Variants in SPMIP7 observed in about 807,000 individuals in gnomAD.
The protein encoded by SPMIP7 is protein SPMIP7.
the SPMIP7 span, among the ~76,000 whole-genome samples, chr7:50,132,535 C>T: frequency 6.6e-6 from 1 of 152,008 alleles, no homozygotes; most frequent in Non-Finnish European, 1.5e-5. Context: ...AGTTTATTAC[C>T]TTCATGGAAA....
chr7:50,128,340 G>A, the SPMIP7 span, among the ~76,000 whole-genome samples: 1 of 151,892 alleles, frequency 6.6e-6, no homozygotes, highest in Non-Finnish European at 1.5e-5. Flanking sequence ...GATAAGGAGA[G>A]GCTGATTAAT....
the SPMIP7 span, among the ~76,000 whole-genome samples, chr7:50,133,543 A>T: frequency 1.3e-5 from 2 of 152,146 alleles, no homozygotes; most frequent in African/African-American, 2.4e-5. Flanking sequence ...TCTGTGTGAC[A>T]GACTGCAGGA....
chr7:50,158,082 T>C, the SPMIP7 span, among the ~76,000 whole-genome samples: 1 of 152,090 alleles, frequency 6.6e-6, no homozygotes. Flanking sequence ...CCCAGCAGCC[T>C]CTGGGGTAGG....
At chr7:50,110,405 T>C in the SPMIP7 span, among the ~76,000 whole-genome samples, 1 of 147,840 alleles carries the variant, frequency 6.8e-6, no homozygotes, top group South Asian at 2.1e-4. Flanking sequence ...ATATTTAACA[T>C]ATAATATATT....
chr7:50,124,158 G>C, the SPMIP7 span, among the ~76,000 whole-genome samples: 1 of 152,102 alleles, frequency 6.6e-6, no homozygotes, highest in South Asian at 2.1e-4. Flanking sequence ...TCATGTCTTA[G>C]TTACAAAACA....
chr7:50,111,905 A>G, the SPMIP7 span, among the ~76,000 whole-genome samples: 1 of 152,174 alleles, frequency 6.6e-6, no homozygotes, highest in South Asian at 2.1e-4. Context: ...ACAAAATACA[A>G]GAATCAAAAC....
chr7:50,103,880 T>A, the SPMIP7 span, among the ~76,000 whole-genome samples: 1 of 152,212 alleles, frequency 6.6e-6, no homozygotes, highest in Admixed American at 6.5e-5. Flanking sequence ...GCCCTGTTTT[T>A]CATCTTTATA....
At chr7:50,107,362 C>CAAAAAA in the SPMIP7 span, among the ~76,000 whole-genome samples, 50 of 16,538 alleles carry the variant, frequency 3.0e-3, 1 homozygote, top group South Asian at 5.6e-3. Flanking sequence ...GACTCTGTCT[C>CAAAAAA]AAAAAAAAAA....
chr7:50,150,465 G>A, the SPMIP7 span, among the ~76,000 whole-genome samples: 8 of 152,144 alleles, frequency 5.3e-5, no homozygotes, highest in Non-Finnish European at 1.0e-4. Flanking sequence ...AGGCCATGGC[G>A]TTGATACGAC....
chr7:50,096,924 A>G, the SPMIP7 span, among the ~76,000 whole-genome samples: 1 of 152,212 alleles, frequency 6.6e-6, no homozygotes, highest in Non-Finnish European at 1.5e-5. Flanking sequence ...CCACAGGGGA[A>G]TTTATGTATC....
At chr7:50,109,411 C>A in the SPMIP7 span, among the ~76,000 whole-genome samples, 1 of 152,118 alleles carries the variant, frequency 6.6e-6, no homozygotes, top group East Asian at 1.9e-4. Flanking sequence ...GAGTCTTGCT[C>A]TGTCACCCCA....
chr7:50,134,187 G>A, the SPMIP7 span: 2 of 1,550,732 alleles, frequency 1.3e-6, no homozygotes, highest in Admixed American at 2.0e-5. Context: ...AAAAACCGCT[G>A]ACCCCATCTC....
chr7:50,120,974 C>G, the SPMIP7 span, among the ~76,000 whole-genome samples: 1 of 152,110 alleles, frequency 6.6e-6, no homozygotes, highest in Non-Finnish European at 1.5e-5. Flanking sequence ...GCATAGTGTA[C>G]TTCACTTTCT....
At chr7:50,096,255 A>G in the SPMIP7 span, 1 of 1,551,734 alleles carries the variant, frequency 6.4e-7, no homozygotes, top group African/African-American at 1.4e-5. Flanking sequence ...GGCAGGTTTG[A>G]AAAGAAATGC....
the SPMIP7 span, chr7:50,120,244 G>C: frequency 1.3e-5 from 2 of 152,178 alleles, no homozygotes; most frequent in Non-Finnish European, 2.9e-5. Context: ...TTTCCACTGA[G>C]AAAAGTTTCT....
chr7:50,152,664 TTTTATTTATTTATTTATTTATTTATTTA>T, the SPMIP7 span, among the ~76,000 whole-genome samples: 2 of 141,362 alleles, frequency 1.4e-5, no homozygotes, highest in South Asian at 4.6e-4. Flanking sequence ...TTATCACACA[TTTTATTTATTTATTTATTTATTTATTTA>T]TTTATTTATT....
chr7:50,141,953 C>T, the SPMIP7 span: 1 of 152,186 alleles, frequency 6.6e-6, no homozygotes, highest in African/African-American at 2.4e-5. Context: ...TGGTCTCGAT[C>T]TCCTGACCCT....
At chr7:50,136,795 G>T in the SPMIP7 span, among the ~76,000 whole-genome samples, 284 of 152,038 alleles carry the variant, frequency 1.9e-3, 2 homozygotes, top group African/African-American at 6.6e-3. Flanking sequence ...TCACAATATT[G>T]TCTGTTCATT....
the SPMIP7 span, among the ~76,000 whole-genome samples, chr7:50,155,008 G>T: frequency 6.6e-6 from 1 of 152,080 alleles, no homozygotes; most frequent in Admixed American, 6.5e-5. Context: ...GCCTGTTCAG[G>T]TCCTTTGCCC....
Sources: allele counts gnomAD v4.1 joint callset (sites outside exome capture counted in the v4.1 genomes callset), GRCh38; gene constraint gnomAD v4.1.1; transcripts MANE v1.5; gene names NCBI Gene and HGNC (gene_info 2026-07-23, HGNC 2026-07-21).